UBL5: variants seen among roughly 807,000 people sequenced by gnomAD.
UBL5 encodes ubiquitin-like protein 5.
Under a neutral mutation model 11.7 loss-of-function variants are expected in UBL5, and 13 were observed. That is an observed-to-expected ratio of 1.11 (90% CI 0.73 to 1.77). The LOEUF (loss-of-function observed/expected upper bound fraction) is 1.77. UBL5 is among the 40% of genes most tolerant of loss of function. The pLI is 0.00. For missense variants in UBL5, 58 were observed against 92.3 expected (o/e 0.63, Z 1.52); for synonymous variants, 28 against 34.7 (o/e 0.81, Z 0.68).
At chr19:9,829,894 C>T in intron 4 of UBL5, 71 bp from the exon 5 acceptor site, 1 of 1,590,576 alleles carries the variant, frequency 6.3e-7, no homozygotes. Flanking sequence ...GGCCACCTGA[C>T]CCGGCTGTGA....
Position 9,828,642 on chromosome 19 carries a change from G to C in UBL5, c.107G>C (p.Gly36Ala), listed in dbSNP as rs1285845326. 2 of 1,614,208 alleles carry C rather than the reference G, an allele frequency of 1.2e-6. No homozygotes were observed. The highest frequency in any genetic ancestry group is 1.3e-5 in the African/African-American group (1 of 75,064). ...AAGAAGCTGATTGCAGCCCAAACTG[G>C]TACCCGTTGGAACAAGATTGTCCTG... is the stretch of plus-strand genomic sequence containing the variant. ...DLKKLIAAQTGTRWNKIVLKK... is the reference protein window; with the variant it reads ...DLKKLIAAQTATRWNKIVLKK... The change falls in exon 3 of 5, where the codon GGT (glycine) becomes GCT (alanine). Residue 36 changes from glycine to alanine, a missense_variant. Coordinates refer to ENST00000586895, the MANE Select transcript of UBL5 (RefSeq NM_001048241.3).
At chr19:9,829,639 G>A in intron 4 of UBL5, 1 of 257,292 alleles carries the variant, frequency 3.9e-6, no homozygotes, top group Non-Finnish European at 7.5e-6. Flanking sequence ...GGGATTACAG[G>A]TGCCCACCAC....
Sources: gnomAD v4.1 joint callset for allele counts on GRCh38, gnomAD v4.1.1 for gene constraint, MANE v1.5 for transcripts, NCBI Gene and HGNC (gene_info 2026-07-23, HGNC 2026-07-21) for gene names.